Variants in PAK1 observed in about 807,000 individuals in gnomAD.
PAK1 encodes p21 (RAC1) activated kinase 1, also known as serine/threonine-protein kinase PAK 1.
Under a neutral mutation model 67.4 loss-of-function variants are expected in PAK1, and 29 were observed. That is an observed-to-expected ratio of 0.43 (90% confidence interval 0.32 to 0.59). The LOEUF is 0.59. Ranked by LOEUF, PAK1 falls within the 20% of genes least tolerant of loss-of-function variation. PAK1 has a pLI of 0.07. For synonymous variants in PAK1, 223 were observed against 237.4 expected, an observed-to-expected ratio of 0.94 and a Z score of 0.56; for missense variants, 337 against 670.7, an observed-to-expected ratio of 0.50 and a Z score of 5.50.
In PAK1 at chr11:77,374,353, T is replaced by C. The variant is rs1313468979; in HGVS notation, c.452A>G (p.Glu151Gly). The change falls in exon 5 of 15, where the codon GAG becomes GGG. Residue 151 changes from glutamate to glycine, a missense_variant. Transcript: ENST00000356341. ...CAAGGCATTAGAAGAATTGTAATCC[T>C]CAGCTGACTTATCTGCACAGGAAGA... Reference protein sequence around the residue: ...KYMSFTDKSAEDYNSSNALNV... With the variant: ...KYMSFTDKSAGDYNSSNALNV... 6.3e-7 allele frequency: 1 copy of C among 1,597,536 alleles called. No homozygotes were observed.
intron 1 of PAK1, among the ~76,000 whole-genome samples, chr11:77,428,654 G>C (rs1955688860): frequency 6.6e-6 from 1 of 151,898 alleles, no homozygotes; most frequent in Admixed American, 6.6e-5. Flanking sequence ...GAGTCCATCA[G>C]GAGGGGGAGG....
chr11:77,506,747 A>G, the PAK1 span, among the ~76,000 whole-genome samples: 1 of 152,182 alleles, frequency 6.6e-6, no homozygotes, highest in African/African-American at 2.4e-5. Flanking sequence ...TGATGGACCT[A>G]TGACATACGA....
upstream of PAK1, chr11:77,477,088 A>G (rs1172021791): frequency 2.0e-5 from 3 of 152,254 alleles, no homozygotes; most frequent in Admixed American, 1.3e-4. Context: ...TCTCTAATCA[A>G]AGGTGACTGC....
chr11:77,425,795 C>T (rs544086789), intron 1 of PAK1, among the ~76,000 whole-genome samples: 7 of 152,234 alleles, frequency 4.6e-5, no homozygotes, highest in African/African-American at 1.7e-4. Flanking sequence ...CCCAAATTAT[C>T]CTAGCTAAAA....
At chr11:77,432,996 A>G (rs1955933291) in intron 1 of PAK1, among the ~76,000 whole-genome samples, 1 of 152,228 alleles carries the variant, frequency 6.6e-6, no homozygotes, top group African/African-American at 2.4e-5. Context: ...AAGAATAAAG[A>G]TACAGATCAA....
the PAK1 span, among the ~76,000 whole-genome samples, chr11:77,520,005 C>T: frequency 3.9e-5 from 6 of 151,932 alleles, no homozygotes; most frequent in African/African-American, 7.3e-5. Flanking sequence ...GCCTGTGGCC[C>T]CCCCCTCCGC....
intron 14 of PAK1, among the ~76,000 whole-genome samples, chr11:77,331,512 A>C (rs1409590470): frequency 3.3e-5 from 5 of 152,216 alleles, no homozygotes. Context: ...GGAAACCATC[A>C]TTCTCAGCAA....
chr11:77,446,756 C>CA (rs1034771237), intron 1 of PAK1, among the ~76,000 whole-genome samples: 1 of 151,834 alleles, frequency 6.6e-6, no homozygotes, highest in Non-Finnish European at 1.5e-5. Context: ...TGTTCCCTCC[C>CA]AAAATCACTC....
chr11:77,406,966 G>C (rs1953673072), intron 1 of PAK1, among the ~76,000 whole-genome samples: 1 of 152,142 alleles, frequency 6.6e-6, no homozygotes, highest in South Asian at 2.1e-4. Context: ...ATCCAGAAGA[G>C]GGGCCCTTAA....
At chr11:77,350,483 C>T (rs953369722) in intron 8 of PAK1, among the ~76,000 whole-genome samples, 1 of 152,086 alleles carries the variant, frequency 6.6e-6, no homozygotes, top group Non-Finnish European at 1.5e-5. Flanking sequence ...ATAACTAAAA[C>T]CCTCATTTTA....
the PAK1 span, among the ~76,000 whole-genome samples, chr11:77,519,629 T>G: frequency 0.24 from 36,768 of 151,772 alleles, 4,704 homozygotes; most frequent in South Asian, 0.47. Context: ...AAAATGCTGG[T>G]TTTTTTTTCC....
chr11:77,372,806 G>A (rs1948613729), intron 5 of PAK1, among the ~76,000 whole-genome samples: 1 of 152,028 alleles, frequency 6.6e-6, no homozygotes, highest in African/African-American at 2.4e-5. Flanking sequence ...TTTCTGTGTG[G>A]AATACCCGCA....
chr11:77,458,543 T>G (rs1437607873), intron 1 of PAK1, among the ~76,000 whole-genome samples: 1 of 152,216 alleles, frequency 6.6e-6, no homozygotes, highest in Non-Finnish European at 1.5e-5. Flanking sequence ...ATTGCCTTAT[T>G]TCAACTTCCT....
At chr11:77,516,449 T>C in the PAK1 span, among the ~76,000 whole-genome samples, 2 of 152,320 alleles carry the variant, frequency 1.3e-5, no homozygotes, top group Non-Finnish European at 1.5e-5. Context: ...AGGGTTGTTA[T>C]CAGAGTTAAA....
the PAK1 span, among the ~76,000 whole-genome samples, chr11:77,487,598 A>G: frequency 2.0e-5 from 3 of 152,018 alleles, no homozygotes; most frequent in East Asian, 5.8e-4. Context: ...AGCAGCATTC[A>G]CCACAAGTTG....
Position 77,355,704 on chromosome 11 carries a change from G to T in PAK1, c.736C>A (p.Pro246Thr). 1 of 1,612,056 alleles carries T rather than the reference G, an allele frequency of 6.2e-7. No homozygotes were observed. Among genetic ancestry groups the T allele is most frequent in the Non-Finnish European group, 8.5e-7 (1 of 1,178,258 alleles). The change falls in exon 7 of 15, where the codon CCT (proline) becomes ACT (threonine). Residue 246 changes from proline to threonine, a missense_variant. Coordinates refer to ENST00000356341, the MANE Select transcript of PAK1 (RefSeq NM_002576.5). ...AAGATCTCCTCATCAGACATTTTAG[G>T]CTTCTTCTTCTGCTTCTCAGTATTC... is the stretch of plus-strand genomic sequence containing the variant. The part of the protein sequence containing the change: ...TRNTEKQKKK[P>T]KMSDEEILEK...
chr11:77,405,864 G>GCCC (rs1317023645), intron 1 of PAK1, among the ~76,000 whole-genome samples: 3 of 152,074 alleles, frequency 2.0e-5, no homozygotes, highest in African/African-American at 7.2e-5. Flanking sequence ...ATCAAAAGCA[G>GCCC]TCTTGTCAAG....
chr11:77,347,865 T>C (rs945157427), intron 9 of PAK1, among the ~76,000 whole-genome samples: 16 of 152,224 alleles, frequency 1.1e-4, no homozygotes, highest in Admixed American at 1.3e-4. Context: ...TCGTGGACAT[T>C]TTATTATGCA....
rs976443923 is a variant in PAK1, at chr11:77,473,770, G to C, written c.-240C>G. The C allele has an allele frequency of 2.0e-5, 3 of 151,730 alleles. No homozygotes were observed. Among genetic ancestry groups the C allele is most frequent in the Non-Finnish European group, 2.9e-5 (2 of 67,924 alleles). The allele number at this position is 151,730 out of a possible 1,614,324, so 9.4% of individuals were successfully genotyped here. ...GGGAGGGAGCGAGGCGACGCGGGCG[G>C]GGGGGGAAGGGGGGACTGAGGGGCG... On this transcript the variant is annotated 5_prime_UTR_variant, in exon 1 of 15. Transcript: ENST00000356341.
Sources: allele counts gnomAD v4.1 joint callset (sites outside exome capture counted in the v4.1 genomes callset), GRCh38; gene constraint gnomAD v4.1.1; transcripts MANE v1.5; gene names NCBI Gene and HGNC (gene_info 2026-07-23, HGNC 2026-07-21).